SLMAP: variants seen among roughly 807,000 people sequenced by gnomAD.
SLMAP encodes the protein sarcolemma associated protein, also known as sarcolemmal membrane-associated protein.
A neutral mutation model predicts 128.8 loss-of-function variants in SLMAP; 44 were observed. The observed-to-expected ratio is 0.34, with a 90% CI of 0.27 to 0.44. The LOEUF is 0.44. Ranked by LOEUF, SLMAP falls within the 20% of genes least tolerant of loss-of-function variation. The pLI is 1.00. For synonymous variants in SLMAP, 327 were observed against 348.8 expected, an observed-to-expected ratio of 0.94 and a Z score of 0.70; for missense variants, 787 against 985.3, an observed-to-expected ratio of 0.80 and a Z score of 2.69.
chr3:57,761,821 G>A (rs915937809), intron 2 of SLMAP, among the ~76,000 whole-genome samples: 1 of 149,654 alleles, frequency 6.7e-6, no homozygotes. Flanking sequence ...GCCGAGGCGG[G>A]TGGATCATGA....
intron 2 of SLMAP, among the ~76,000 whole-genome samples, chr3:57,770,460 A>G (rs1385825272): frequency 6.6e-6 from 1 of 152,228 alleles, no homozygotes; most frequent in African/African-American, 2.4e-5. Flanking sequence ...AGAGTGATGT[A>G]TTCTGGGAAT....
intron 2 of SLMAP, among the ~76,000 whole-genome samples, chr3:57,759,781 C>G (rs2078254862): frequency 6.6e-6 from 1 of 152,208 alleles, no homozygotes; most frequent in Admixed American, 6.5e-5. Flanking sequence ...TGATGAAACA[C>G]TCGAAGGGGA....
chr3:57,853,652 T>C (rs1179122883), intron 6 of SLMAP, among the ~76,000 whole-genome samples: 1 of 151,824 alleles, frequency 6.6e-6, no homozygotes, highest in Non-Finnish European at 1.5e-5. Context: ...CTGTAAAATA[T>C]ATCTTTGGGC....
chr3:57,764,377 C>G (rs13064505), intron 2 of SLMAP, among the ~76,000 whole-genome samples: 2,764 of 152,044 alleles, frequency 0.018, 40 homozygotes, highest in Non-Finnish European at 0.029. Context: ...TGGCATGAAC[C>G]TGAAATCCCA....
chr3:57,921,203 G>A (rs2096911248), intron 22 of SLMAP, among the ~76,000 whole-genome samples: 1 of 152,178 alleles, frequency 6.6e-6, no homozygotes, highest in Non-Finnish European at 1.5e-5. Flanking sequence ...GCCATACTAT[G>A]TTTCACATTG....
intron 2 of SLMAP, among the ~76,000 whole-genome samples, chr3:57,810,644 G>A (rs770951841): frequency 1.5e-4 from 23 of 151,892 alleles, no homozygotes; most frequent in African/African-American, 4.8e-4. Context: ...TTCATCTTCC[G>A]CTACGTCCGC....
intron 2 of SLMAP, among the ~76,000 whole-genome samples, chr3:57,771,169 C>T (rs1214069980): frequency 6.8e-6 from 1 of 146,370 alleles, no homozygotes; most frequent in Non-Finnish European, 1.5e-5. Context: ...CTCCCCTCCC[C>T]TCCCCTCCCC....
chr3:57,850,504 G>A (rs1448523836), intron 6 of SLMAP, among the ~76,000 whole-genome samples: 2 of 152,134 alleles, frequency 1.3e-5, no homozygotes, highest in Admixed American at 6.5e-5. Flanking sequence ...CTACAGCCTC[G>A]AACTCCTGGG....
At chr3:57,883,093 A>G (rs1182332358) in intron 14 of SLMAP, among the ~76,000 whole-genome samples, 1 of 152,202 alleles carries the variant, frequency 6.6e-6, no homozygotes, top group Non-Finnish European at 1.5e-5. Context: ...TAAATATTTG[A>G]AAGAATGAGT....
At chr3:57,828,362 C>T (rs2093073824) in intron 2 of SLMAP, among the ~76,000 whole-genome samples, 1 of 152,128 alleles carries the variant, frequency 6.6e-6, no homozygotes, top group Non-Finnish European at 1.5e-5. Context: ...ACAGGAGGTA[C>T]AGAATCTTTT....
At chr3:57,848,822 G>A (rs1206855368) in intron 5 of SLMAP, among the ~76,000 whole-genome samples, 1 of 145,810 alleles carries the variant, frequency 6.9e-6, no homozygotes, top group African/African-American at 2.5e-5. Flanking sequence ...CGATTCTTCT[G>A]CCCTGGCCTC....
intron 2 of SLMAP, among the ~76,000 whole-genome samples, chr3:57,827,141 C>T (rs1247891019): frequency 2.6e-5 from 4 of 152,138 alleles, no homozygotes. Context: ...GTTTGTGGCC[C>T]CTGGCCTGTG....
At chr3:57,832,411 C>T (rs979843823) in intron 3 of SLMAP, among the ~76,000 whole-genome samples, 2 of 152,132 alleles carry the variant, frequency 1.3e-5, no homozygotes, top group African/African-American at 4.8e-5. Flanking sequence ...AGTTCTTTAG[C>T]TAAATAAATG....
chr3:57,923,749 A>T (rs3773015), intron 23 of SLMAP, among the ~76,000 whole-genome samples: 16,017 of 152,236 alleles, frequency 0.11, 1,008 homozygotes, highest in South Asian at 0.16. Flanking sequence ...CGTGAGCCAC[A>T]TACTTCCTAT....
chr3:57,912,930 T>C (rs2096731091), intron 20 of SLMAP, among the ~76,000 whole-genome samples: 4 of 152,206 alleles, frequency 2.6e-5, no homozygotes, highest in Admixed American at 1.3e-4. Context: ...AAATTGCTTG[T>C]CTTATAAAAG....
chr3:57,896,449 AG>A (rs2096246062), intron 15 of SLMAP, 61 bp from the exon 16 acceptor site: 3 of 1,496,238 alleles, frequency 2.0e-6, no homozygotes, highest in East Asian at 5.0e-5. Context: ...AGCCTGAAGC[AG>A]TTTTATTGAT....
In SLMAP at chr3:57,871,620, T is replaced by C; in HGVS notation, c.1238-16T>C. On this transcript the variant is annotated splice_polypyrimidine_tract_variant and intron_variant, in intron 13 of 24. Coordinates refer to ENST00000671191, the MANE Select transcript of SLMAP (RefSeq NM_001377540.1). ...GCAACAAACTATATCCTTAAAGGTGTTTCTTTCTTTATTAGAGCACTTGCT... is the reference window on the plus strand; with the variant it reads ...GCAACAAACTATATCCTTAAAGGTGCTTCTTTCTTTATTAGAGCACTTGCT... The C allele has an allele frequency of 6.2e-7, 1 of 1,606,744 alleles. No homozygotes were observed. Among genetic ancestry groups the C allele is most frequent in the Non-Finnish European group, 8.5e-7 (1 of 1,173,968 alleles).
At chr3:57,850,109 G>A (rs547615574) in intron 6 of SLMAP, among the ~76,000 whole-genome samples, 1 of 152,104 alleles carries the variant, frequency 6.6e-6, no homozygotes, top group African/African-American at 2.4e-5. Flanking sequence ...CCAGGGGGTC[G>A]AGGCTGCAGT....
At chr3:57,804,012 AC>A (rs2089232471) in intron 2 of SLMAP, among the ~76,000 whole-genome samples, 1 of 152,200 alleles carries the variant, frequency 6.6e-6, no homozygotes, top group Non-Finnish European at 1.5e-5. Flanking sequence ...TATGGGTGGG[AC>A]CAAATATCTG....
Sources: allele counts gnomAD v4.1 joint callset (sites outside exome capture counted in the v4.1 genomes callset), GRCh38; gene constraint gnomAD v4.1.1; transcripts MANE v1.5; gene names NCBI Gene and HGNC (gene_info 2026-07-23, HGNC 2026-07-21).